The following BAZ2A variants were observed in gnomAD, a reference collection of about 807,000 sequenced individuals.
BAZ2A encodes bromodomain adjacent to zinc finger domain protein 2A.
A neutral mutation model predicts 199.9 loss-of-function variants in BAZ2A; 34 were observed. The ratio of observed to expected loss-of-function variants is 0.17; its 90% CI spans 0.13 to 0.23. BAZ2A has a LOEUF of 0.23. Ranked by LOEUF, BAZ2A falls within the 10% of genes least tolerant of loss-of-function variation. The probability of loss-of-function intolerance (pLI) is 1.00; values close to 1 mark genes in which losing one functional copy is unlikely to be tolerated. For missense variants in BAZ2A, 2,002 were observed against 2,391.1 expected (o/e 0.84, Z 3.39); for synonymous variants, 857 against 883.9 (o/e 0.97, Z 0.54).
upstream of BAZ2A, among the ~76,000 whole-genome samples, chr12:56,634,504 G>A (rs1300815940): frequency 1.3e-5 from 2 of 152,196 alleles, no homozygotes; most frequent in Admixed American, 6.5e-5. Context: ...AGGGCTGAGC[G>A]GAGCAGGGAC....
chr12:56,615,241 G>T lies in BAZ2A; in HGVS notation c.503C>A (p.Ser168Tyr). The T allele has an allele frequency of 6.2e-7, 1 of 1,613,970 alleles. No homozygotes were observed. The highest frequency in any genetic ancestry group is 8.5e-7 in the Non-Finnish European group (1 of 1,179,888). Residue 168 changes from serine to tyrosine, a missense_variant, in exon 3 of 29, where the codon TCC becomes TAC. Ser to Tyr is a moderately radical substitution (Grantham distance 144, BLOSUM62 -2). Transcript: ENST00000549884. ...LNFDSQELYD[S>Y]FPDQNFEVMP... ...CACCTCAAAATTCTGGTCAGGAAAGGAATCATACAGTTCTTGTGAATCAAA... is the reference window on the plus strand; with the variant it reads ...CACCTCAAAATTCTGGTCAGGAAAGTAATCATACAGTTCTTGTGAATCAAA...
Position 56,600,437 on chromosome 12 carries a change from C to T in BAZ2A, c.4656G>A (p.Glu1552=). Residue 1552 remains glutamate, a synonymous_variant, in exon 24 of 29, where the codon GAG becomes GAA. Coordinates refer to ENST00000549884, the MANE Select transcript of BAZ2A (RefSeq NM_001300905.2). ...TATCCTCCTGGGAGTCGGAGAGGTGCTCACAGTAGGCCAAGTCTTCACGGG... is the reference window on the plus strand; with the variant it reads ...TATCCTCCTGGGAGTCGGAGAGGTGTTCACAGTAGGCCAAGTCTTCACGGG... ...DSTREDLAYC[E]HLSDSQEDIT... 1.2e-6 allele frequency: 2 copies of T among 1,613,954 alleles called. No individual in the cohort carries two copies. The highest frequency in any genetic ancestry group is 1.7e-6 in the Non-Finnish European group (2 of 1,179,888).
upstream of BAZ2A, among the ~76,000 whole-genome samples, chr12:56,631,715 A>AGT (rs1304208849): frequency 1.3e-5 from 2 of 152,208 alleles, no homozygotes; most frequent in Non-Finnish European, 2.9e-5. Flanking sequence ...GAAAAGCAAC[A>AGT]GAGTGGGGAT....
At chr12:56,617,161 C>G (rs1040547881) in intron 2 of BAZ2A, among the ~76,000 whole-genome samples, 2 of 152,138 alleles carry the variant, frequency 1.3e-5, no homozygotes, top group East Asian at 3.8e-4. Flanking sequence ...GCTCTGTCAG[C>G]AGCCAGGGGA....
Position 56,603,648 on chromosome 12 carries a change from C to A in BAZ2A, c.3091G>T (p.Gly1031Trp). ...RTGRSEVEME[G>W]PEECLGRRRS... ...CTCCGTCCCAGGCATTCCTCTGGCC[C>A]TTCCATCTCTACTTCAGACCGCCCA... Residue 1031 changes from glycine (G) to tryptophan (W), a missense_variant, in exon 17 of 29, where the codon GGG becomes TGG. By Grantham distance (184) the Gly-to-Trp change is radical. Around this residue, in one of 6 missense-constraint regions of BAZ2A, gnomAD observed 1,081 missense variants for 1,274.7 expected, o/e 0.85. Coordinates refer to ENST00000549884, the MANE Select transcript of BAZ2A (RefSeq NM_001300905.2). The A allele has an allele frequency of 1.9e-6, 3 of 1,614,030 alleles. 1 individual carries two copies. In the African/African-American group the frequency reaches 4.0e-5, roughly 22 times the overall value.
At position 56,630,306 on chromosome 12, in the gene BAZ2A, CAT is replaced by C; in HGVS notation, c.-186_-185del. ...AACCGCGGGGCCCGAGAGGAGCCAA[CAT>C]GGCCGGCGGGGGAGGAGTGAGTCGG... On this transcript the variant is annotated 5_prime_UTR_variant, in exon 1 of 29. The change abolishes an upstream ATG in the 5' untranslated region. Coordinates refer to ENST00000549884, the MANE Select transcript of BAZ2A (RefSeq NM_001300905.2). The C allele has an allele frequency of 1.0e-6, 1 of 984,510 alleles. No individual in the cohort carries two copies. The highest frequency in any genetic ancestry group is 1.2e-6 in the Non-Finnish European group (1 of 829,046). 61.0% of individuals were successfully genotyped at this position (984,510 alleles called of 1,614,324 possible).
Position 56,601,659 on chromosome 12 carries a change from G to T in BAZ2A, c.3958C>A (p.Leu1320Ile). 2 of 1,614,024 alleles carry T rather than the reference G, an allele frequency of 1.2e-6. No individual in the cohort carries two copies. Among genetic ancestry groups the T allele is most frequent in the Non-Finnish European group, 1.7e-6 (2 of 1,179,896 alleles). The change falls in exon 20 of 29, where the codon CTC becomes ATC. Residue 1320 changes from leucine (L) to isoleucine (I), a missense_variant. This residue lies in a region of BAZ2A where 1,081 missense variants were observed against 1,274.7 expected (regional missense o/e 0.85). Coordinates refer to ENST00000549884, the MANE Select transcript of BAZ2A (RefSeq NM_001300905.2). ...EAESSPDPQA[L>I]WFNISAQMPC... ...ATCTGGGCTGAGATGTTAAACCAGA[G>T]TGCTTGAGGATCAGGGCTGGATTCT...
At chr12:56,606,346 ACT>A in intron 11 of BAZ2A, 34 bp from the exon 12 acceptor site, 1 of 1,611,056 alleles carries the variant, frequency 6.2e-7, no homozygotes, top group Non-Finnish European at 8.5e-7. Context: ...TTCTCCTCAA[ACT>A]CTGAAAGCAT....
In BAZ2A at chr12:56,598,857, C is replaced by T. The variant is rs192436067; in HGVS notation, c.5546+11G>A. 2.5e-4 allele frequency: 399 copies of T among 1,606,706 alleles called. No homozygotes were observed. The African/African-American group carries it at 4.8e-3, about 19-fold the overall frequency. ...TAGCAAAGACCGGGCGGTTCACCCA[C>T]ATCTACTTACCCTCCCCTGAGCAGC... is the stretch of plus-strand genomic sequence containing the variant. On this transcript the variant is annotated intron_variant, in intron 28 of 28. Coordinates refer to ENST00000549884, the MANE Select transcript of BAZ2A (RefSeq NM_001300905.2).
chr12:56,635,114 G>A (rs549917381), upstream of BAZ2A: 13 of 894,130 alleles, frequency 1.5e-5, no homozygotes, highest in African/African-American at 2.0e-4. This position sits in a 1 kb window ranked among gnomAD's most constrained non-coding sequence, Gnocchi z 4.1. Flanking sequence ...GCTCAGGAGA[G>A]CAGTCGCGAA....
At position 56,604,315 on chromosome 12, in the gene BAZ2A, T is replaced by C. The variant is rs753168681; in HGVS notation, c.2964-24A>G. The C allele has an allele frequency of 5.0e-6, 8 of 1,593,392 alleles. No homozygotes were observed. The African/African-American group carries it at 5.4e-5, about 11-fold the overall frequency. On this transcript the variant is annotated intron_variant, in intron 15 of 28. Transcript: ENST00000549884. ...CACTGCAGGGGAATAGGGAATAGGA[T>C]GAAGTGGCAGCACAAAAAAAGGGAA...
intron 1 of BAZ2A, among the ~76,000 whole-genome samples, chr12:56,620,239 G>A (rs1453812904): frequency 6.6e-6 from 1 of 151,926 alleles, no homozygotes; most frequent in Non-Finnish European, 1.5e-5. Context: ...TATTGGGCCA[G>A]ATTCAAAGTT....
rs1565813291 is a variant in BAZ2A, at chr12:56,604,710, A to G, written c.2838T>C (p.Tyr946=). ...SEILRCFLMA[Y]GVEPALCDRL... ...GGTCACAGAGGGCTGGCTCTACTCC[A>G]TATGCCATAAGGAAGCAGCGCAGGA... is the stretch of plus-strand genomic sequence containing the variant. Residue 946 remains tyrosine, a synonymous_variant, in exon 15 of 29, where the codon TAT becomes TAC. Coordinates refer to ENST00000549884, the MANE Select transcript of BAZ2A (RefSeq NM_001300905.2). 4 of 1,613,758 alleles carry G rather than the reference A, an allele frequency of 2.5e-6. No individual in the cohort carries two copies. Among genetic ancestry groups the G allele is most frequent in the East Asian group, 4.5e-5 (2 of 44,868 alleles).
At chr12:56,604,330 A>G (rs1314955781) in intron 15 of BAZ2A, 39 bp from the exon 16 acceptor site, 1 of 1,567,494 alleles carries the variant, frequency 6.4e-7, no homozygotes, top group East Asian at 2.3e-5. Context: ...TGGCAGCACA[A>G]AAAAAGGGAA....
At chr12:56,607,214 AC>A (rs532294643) in intron 10 of BAZ2A, among the ~76,000 whole-genome samples, 1 of 152,240 alleles carries the variant, frequency 6.6e-6, no homozygotes, top group Non-Finnish European at 1.5e-5. Flanking sequence ...CACACAGTGG[AC>A]ACCTCAAAAG....
Position 56,606,648 on chromosome 12 carries a change from A to C in BAZ2A, c.2178T>G (p.Thr726=), listed in dbSNP as rs772140002. The part of the protein sequence containing the change: ...RQKVQRGECQ[T]TIQGQARNKR... ...TGTCCCTCACCTGCCCTTGGATAGT[A>C]GTCTGACACTCTCCCCGTTGAACCT... Residue 726 remains threonine (T), a synonymous_variant, in exon 11 of 29, where the codon ACT becomes ACG. Coordinates refer to ENST00000549884, the MANE Select transcript of BAZ2A (RefSeq NM_001300905.2). 1.9e-6 allele frequency: 3 copies of C among 1,613,806 alleles called. No individual in the cohort carries two copies. Among genetic ancestry groups the C allele is most frequent in the Middle Eastern group, 1.6e-4 (1 of 6,062 alleles).
In BAZ2A at chr12:56,598,608, C is replaced by G; in HGVS notation, c.*10G>C. 6.2e-7 allele frequency: 1 copy of G among 1,612,310 alleles called. No individual in the cohort carries two copies. Among genetic ancestry groups the G allele is most frequent in the Non-Finnish European group, 8.5e-7 (1 of 1,179,462 alleles). On this transcript the variant is annotated 3_prime_UTR_variant, in exon 29 of 29. Coordinates refer to ENST00000549884, the MANE Select transcript of BAZ2A (RefSeq NM_001300905.2). ...GAGATGCCACAAGGTGACTCCCCACCTCCCTTGCCTCACAGATTGGCCTGT... is the reference window on the plus strand; with the variant it reads ...GAGATGCCACAAGGTGACTCCCCACGTCCCTTGCCTCACAGATTGGCCTGT...
chr12:56,601,113 G>A lies in BAZ2A; in HGVS notation c.4295-15C>T, dbSNP rs762591262. ...TGAGCACATCTCTGTGAGCAGATGAGATATATGTGGGGCGCCAGCTGTGAA... is the reference window on the plus strand; with the variant it reads ...TGAGCACATCTCTGTGAGCAGATGAAATATATGTGGGGCGCCAGCTGTGAA... On this transcript the variant is annotated splice_polypyrimidine_tract_variant and intron_variant, in intron 21 of 28. Transcript: ENST00000549884. The A allele has an allele frequency of 6.2e-7, 1 of 1,613,772 alleles. No homozygotes were observed. Among genetic ancestry groups the A allele is most frequent in the South Asian group, 1.1e-5 (1 of 91,056 alleles).
intron 1 of BAZ2A, among the ~76,000 whole-genome samples, chr12:56,628,647 A>C (rs1221387902): frequency 6.6e-6 from 1 of 152,188 alleles, no homozygotes; most frequent in African/African-American, 2.4e-5. Flanking sequence ...TACCCCCGAC[A>C]CACAAATCCA....
Sources: gnomAD v4.1 joint callset for allele counts (sites outside exome capture counted in the v4.1 genomes callset) on GRCh38, gnomAD v4.1.1 for gene constraint, gnomAD v4.1.1 regional missense constraint, Gnocchi (gnomAD v3.1) non-coding constraint, MANE v1.5 for transcripts, NCBI Gene and HGNC (gene_info 2026-07-23, HGNC 2026-07-21) for gene names.